The following PDGFD variants were observed in gnomAD, a reference collection of about 807,000 sequenced individuals.
PDGFD encodes the protein platelet-derived growth factor D.
Under a neutral mutation model 44.7 loss-of-function variants are expected in PDGFD, and 30 were observed. That is an observed-to-expected ratio of 0.67 (90% confidence interval 0.50 to 0.91). The LOEUF is 0.91. Ranked by LOEUF, PDGFD falls within the 40% of genes least tolerant of loss-of-function variation. PDGFD has a pLI of 0.00. For missense variants in PDGFD, 445 were observed against 457.8 expected (o/e 0.97, Z 0.25); for synonymous variants, 173 against 168.4 (o/e 1.03, Z -0.21).
chr11:104,067,466 ATCTT>A (rs1044668497), intron 1 of PDGFD, among the ~76,000 whole-genome samples: 1 of 152,174 alleles, frequency 6.6e-6, no homozygotes, highest in Non-Finnish European at 1.5e-5. Flanking sequence ...AAATTTGAAA[ATCTT>A]TCTATTAGAA....
chr11:104,101,818 A>C (rs1861386722), intron 1 of PDGFD, among the ~76,000 whole-genome samples: 2 of 151,902 alleles, frequency 1.3e-5, no homozygotes, highest in South Asian at 2.1e-4. Context: ...CAAAAACAAG[A>C]AATGGGGAAA....
chr11:104,137,407 C>CA (rs1254573483), intron 1 of PDGFD, among the ~76,000 whole-genome samples: 1 of 150,892 alleles, frequency 6.6e-6, no homozygotes, highest in Non-Finnish European at 1.5e-5. Context: ...GACTGGCACA[C>CA]AAAAAACCTT....
chr11:104,022,848 A>G (rs953282852), intron 1 of PDGFD, among the ~76,000 whole-genome samples: 63 of 152,242 alleles, frequency 4.1e-4, no homozygotes, highest in African/African-American at 1.4e-3. Flanking sequence ...CTCTAAGTTT[A>G]TAGGCTATTT....
intron 1 of PDGFD, among the ~76,000 whole-genome samples, chr11:104,087,636 T>C (rs1206920890): frequency 6.6e-6 from 1 of 152,234 alleles, no homozygotes; most frequent in East Asian, 1.9e-4. Flanking sequence ...CACAGATTAC[T>C]GTTTGCAAGC....
At chr11:104,010,123 T>C (rs1447538765) in intron 1 of PDGFD, among the ~76,000 whole-genome samples, 1 of 151,942 alleles carries the variant, frequency 6.6e-6, no homozygotes, top group Non-Finnish European at 1.5e-5. Flanking sequence ...TCAGTAGTAA[T>C]ACAAAACTTT....
At chr11:104,076,018 G>A (rs560993168) in intron 1 of PDGFD, among the ~76,000 whole-genome samples, 1 of 152,314 alleles carries the variant, frequency 6.6e-6, no homozygotes, top group South Asian at 2.1e-4. Context: ...AGACCAGGTG[G>A]AGGTAACAGA....
intron 1 of PDGFD, among the ~76,000 whole-genome samples, chr11:104,024,281 AAAAG>A (rs1326443229): frequency 2.0e-5 from 3 of 152,182 alleles, no homozygotes; most frequent in African/African-American, 7.2e-5. Context: ...CATGCAAAAA[AAAAG>A]AGATCAGCTT....
chr11:104,061,183 T>C (rs1860710257), intron 1 of PDGFD, among the ~76,000 whole-genome samples: 1 of 151,704 alleles, frequency 6.6e-6, no homozygotes, highest in African/African-American at 2.4e-5. Context: ...AGGTAAACTG[T>C]ATAGTTTATA....
chr11:103,928,247 G>A (rs1858347596), intron 5 of PDGFD, among the ~76,000 whole-genome samples: 1 of 152,180 alleles, frequency 6.6e-6, no homozygotes, highest in African/African-American at 2.4e-5. Flanking sequence ...ATACATACAT[G>A]AGTATCTTCT....
chr11:104,013,341 G>T (rs1433536985), intron 1 of PDGFD, among the ~76,000 whole-genome samples: 4 of 152,080 alleles, frequency 2.6e-5, no homozygotes, highest in Non-Finnish European at 5.9e-5. Flanking sequence ...GGTATAAAAG[G>T]CTGTCATCCT....
At chr11:103,995,032 C>G (rs1386531109) in intron 3 of PDGFD, among the ~76,000 whole-genome samples, 1 of 152,020 alleles carries the variant, frequency 6.6e-6, no homozygotes, top group Non-Finnish European at 1.5e-5. Flanking sequence ...GCACACACCA[C>G]TAAACCAAGC....
intron 3 of PDGFD, among the ~76,000 whole-genome samples, chr11:103,950,451 T>C (rs1050571513): frequency 1.2e-4 from 18 of 150,958 alleles, no homozygotes; most frequent in Non-Finnish European, 8.8e-5. Context: ...GTAATCCCAG[T>C]TACTCAGGAG....
At chr11:104,084,118 T>C (rs1861085849) in intron 1 of PDGFD, among the ~76,000 whole-genome samples, 1 of 152,156 alleles carries the variant, frequency 6.6e-6, no homozygotes. Flanking sequence ...TCTTGCAACA[T>C]CTCAAGTATG....
chr11:104,047,106 T>C (rs1397402564), intron 1 of PDGFD, among the ~76,000 whole-genome samples: 1 of 147,550 alleles, frequency 6.8e-6, no homozygotes, highest in Non-Finnish European at 1.5e-5. Flanking sequence ...TTCCATGGTA[T>C]ATGTTTGCCA....
chr11:104,059,641 C>T (rs1168604755), intron 1 of PDGFD, among the ~76,000 whole-genome samples: 1 of 152,192 alleles, frequency 6.6e-6, no homozygotes, highest in Non-Finnish European at 1.5e-5. Context: ...TTTTTCTTCT[C>T]TCTCTTCTGA....
intron 1 of PDGFD, among the ~76,000 whole-genome samples, chr11:104,097,381 G>A (rs2134441976): frequency 6.6e-6 from 1 of 152,246 alleles, no homozygotes; most frequent in African/African-American, 2.4e-5. Flanking sequence ...CAATGCAGTA[G>A]TCAGATATGA....
At chr11:104,042,203 T>C (rs992296958) in intron 1 of PDGFD, among the ~76,000 whole-genome samples, 4 of 152,230 alleles carry the variant, frequency 2.6e-5, no homozygotes, top group Admixed American at 6.5e-5. Context: ...AACTGGGCTA[T>C]GATTATAGAC....
intron 3 of PDGFD, among the ~76,000 whole-genome samples, chr11:103,970,208 A>C (rs543543442): frequency 6.6e-6 from 1 of 152,072 alleles, no homozygotes; most frequent in Non-Finnish European, 1.5e-5. Flanking sequence ...GAGAACATAT[A>C]AATTAGTGAA....
intron 1 of PDGFD, among the ~76,000 whole-genome samples, chr11:104,120,101 T>A (rs1861750727): frequency 6.7e-6 from 1 of 150,324 alleles, no homozygotes; most frequent in Admixed American, 6.8e-5. Context: ...TTGTGGAAAG[T>A]CAAGGCTGAC....
Sources: allele counts gnomAD v4.1 joint callset (sites outside exome capture counted in the v4.1 genomes callset), GRCh38; gene constraint gnomAD v4.1.1; transcripts MANE v1.5; gene names NCBI Gene and HGNC (gene_info 2026-07-23, HGNC 2026-07-21).